BAZ1B: variants seen among roughly 807,000 people sequenced by gnomAD.
BAZ1B encodes bromodomain adjacent to zinc finger domain 1B, also known as tyrosine-protein kinase BAZ1B.
A neutral mutation model predicts 153.8 loss-of-function variants in BAZ1B; 22 were observed. That is an observed-to-expected ratio of 0.14 (90% confidence interval 0.10 to 0.20). The LOEUF is 0.20. Ranked by LOEUF, BAZ1B falls within the 10% of genes least tolerant of loss-of-function variation. The pLI is 1.00. For missense variants in BAZ1B, 1,325 were observed against 1,799.3 expected (o/e 0.74, Z 4.77); for synonymous variants, 676 against 633.4 (o/e 1.07, Z -1.01).
At chr7:73,521,482 G>A (rs1464641290) in intron 1 of BAZ1B, among the ~76,000 whole-genome samples, 3 of 152,200 alleles carry the variant, frequency 2.0e-5, no homozygotes, top group East Asian at 1.9e-4. Context: ...CCCTCCCCAC[G>A]CCTCCTCCTC....
At chr7:73,451,031 T>G (rs1788011249) in intron 13 of BAZ1B, 37 bp from the exon 14 acceptor site, 1 of 1,606,244 alleles carries the variant, frequency 6.2e-7, no homozygotes, top group Non-Finnish European at 8.5e-7. Context: ...ATTACTACAC[T>G]GACCAAAGAC....
In BAZ1B at chr7:73,477,973, G is replaced by A; in HGVS notation, c.1488C>T (p.Ser496=). ...KDREDKRSAL[S]CVISKTARLL... ...GACGAGCTGTTTTGGAGATAACACA[G>A]GACAGGGCGCTCCTCTTGTCCTCCC... Residue 496 remains serine (S), a synonymous_variant, in exon 7 of 20, where the codon TCC becomes TCT. Coordinates refer to ENST00000339594, the MANE Select transcript of BAZ1B (RefSeq NM_032408.4). This position sits in a 1 kb window ranked among gnomAD's most constrained non-coding sequence, Gnocchi z 5.6. 6.2e-7 allele frequency: 1 copy of A among 1,614,124 alleles called. No individual in the cohort carries two copies. Among genetic ancestry groups the A allele is most frequent in the Non-Finnish European group, 8.5e-7 (1 of 1,180,042 alleles).
intron 13 of BAZ1B, among the ~76,000 whole-genome samples, chr7:73,455,410 A>G (rs1788158935): frequency 1.3e-5 from 2 of 152,232 alleles, no homozygotes; most frequent in Admixed American, 6.5e-5. Flanking sequence ...CAGAAATCTA[A>G]TACGCAAAAC....
chr7:73,510,009 C>T (rs1363176910), intron 2 of BAZ1B, among the ~76,000 whole-genome samples: 4 of 151,570 alleles, frequency 2.6e-5, no homozygotes, highest in Admixed American at 2.6e-4. Context: ...CGCCTGTAGA[C>T]CCAGCTACTC....
At chr7:73,509,892 C>CAAGGCGGGA (rs1554578339) in intron 2 of BAZ1B, among the ~76,000 whole-genome samples, 1 of 151,376 alleles carries the variant, frequency 6.6e-6, no homozygotes, top group Admixed American at 6.6e-5. Flanking sequence ...TTTGGGAGGC[C>CAAGGCGGGA]GAAATGAGCA....
chr7:73,505,643 A>G (rs1229219607), intron 3 of BAZ1B, among the ~76,000 whole-genome samples: 1 of 150,996 alleles, frequency 6.6e-6, no homozygotes. Flanking sequence ...AAAAAAAAAA[A>G]CAGTTCAAGC....
chr7:73,480,115 G>A (rs566257805), intron 6 of BAZ1B, among the ~76,000 whole-genome samples: 6 of 149,286 alleles, frequency 4.0e-5, no homozygotes, highest in African/African-American at 1.5e-4. Context: ...CCGAGATCAC[G>A]CCACTGCACT....
intron 13 of BAZ1B, among the ~76,000 whole-genome samples, chr7:73,453,012 T>C (rs1470562059): frequency 6.6e-6 from 1 of 152,200 alleles, no homozygotes; most frequent in Admixed American, 6.5e-5. Context: ...TCAACCACTA[T>C]TACAAAAAGA....
chr7:73,519,264 T>A (rs1790934128), intron 1 of BAZ1B, among the ~76,000 whole-genome samples: 2 of 152,086 alleles, frequency 1.3e-5, no homozygotes, highest in East Asian at 3.8e-4. Flanking sequence ...AAATATCAAG[T>A]CCCATTAAAA....
At chr7:73,449,149 A>G (rs1787940684) in intron 15 of BAZ1B, among the ~76,000 whole-genome samples, 1 of 152,190 alleles carries the variant, frequency 6.6e-6, no homozygotes, top group Admixed American at 6.5e-5. Context: ...CCCAAGTTCT[A>G]CTCATGATAG....
At position 73,447,285 on chromosome 7, in the gene BAZ1B, A is replaced by C; in HGVS notation, c.3823T>G (p.Tyr1275Asp). The change falls in exon 16 of 20, where the codon TAT (tyrosine) becomes GAT (aspartate). Residue 1275 changes from tyrosine (Y) to aspartate (D), a missense_variant. Tyr to Asp is a radical substitution (Grantham distance 160). This residue lies in a region of BAZ1B where 271 missense variants were observed against 337.2 expected (regional missense o/e 0.80). Coordinates refer to ENST00000339594, the MANE Select transcript of BAZ1B (RefSeq NM_032408.4). ...EEEEEEEEED[Y>D]EVAGLRLRPR... ...TTACATCGCAAACCAGCCACCTCAT[A>C]ATCTTCTTCCTCCTCCTCCTCTTCT... 6.2e-7 allele frequency: 1 copy of C among 1,613,816 alleles called. No homozygotes were observed. The highest frequency in any genetic ancestry group is 1.1e-5 in the South Asian group (1 of 91,064).
In BAZ1B at chr7:73,505,997, C is replaced by T. The variant is rs566610770; in HGVS notation, c.369+2330G>A. Among the ~76,000 whole-genome samples, 9 of 152,312 alleles carry T rather than the reference C, an allele frequency of 5.9e-5. No homozygotes were observed. In the East Asian group the frequency reaches 1.3e-3, roughly 23 times the overall value. On this transcript the variant is annotated intron_variant, in intron 3 of 19. Coordinates refer to ENST00000339594, the MANE Select transcript of BAZ1B (RefSeq NM_032408.4). The stretch of plus-strand genomic sequence containing the variant: ...TCATTTAAATGTACAAGGCTACCTA[C>T]CACTTCAAGATTTCCGTGCAAATTC...
intron 1 of BAZ1B, among the ~76,000 whole-genome samples, chr7:73,515,531 CTTTTTTTTTTTTTT>C (rs869065388): frequency 2.7e-5 from 3 of 111,422 alleles, no homozygotes; most frequent in South Asian, 2.9e-4. Flanking sequence ...AGCCTTGTTC[CTTTTTTTTTTTTTT>C]TTTTTTTTTT....
At chr7:73,511,193 G>A (rs948054366) in intron 1 of BAZ1B, among the ~76,000 whole-genome samples, 32 of 152,082 alleles carry the variant, frequency 2.1e-4, no homozygotes, top group Non-Finnish European at 2.2e-4. Context: ...GCGTGAACCC[G>A]GGAGGCGGAG....
At chr7:73,442,856 T>C in intron 17 of BAZ1B, 28 bp from the exon 18 acceptor site, 1 of 1,552,508 alleles carries the variant, frequency 6.4e-7, no homozygotes, top group African/African-American at 1.4e-5. Flanking sequence ...ACAATGTTAT[T>C]ACAGATTCAA....
intron 7 of BAZ1B, among the ~76,000 whole-genome samples, chr7:73,472,826 G>A (rs1434732974): frequency 1.3e-5 from 2 of 151,118 alleles, no homozygotes; most frequent in East Asian, 2.0e-4. Context: ...GTGTGATCTC[G>A]GCTCTCTGCA....
intron 11 of BAZ1B, chr7:73,463,997 C>T (rs1439040903): frequency 7.8e-6 from 4 of 516,032 alleles, no homozygotes; most frequent in South Asian, 8.4e-5. Flanking sequence ...TGAGCCACCG[C>T]GGCCGGCCCT....
intron 4 of BAZ1B, among the ~76,000 whole-genome samples, chr7:73,497,721 T>C (rs890227717): frequency 2.0e-5 from 3 of 151,810 alleles, no homozygotes; most frequent in Non-Finnish European, 4.4e-5. Flanking sequence ...AAAGAAAAAT[T>C]CCATTCATAT....
At chr7:73,455,701 T>C (rs1041106762) in intron 13 of BAZ1B, among the ~76,000 whole-genome samples, 12 of 152,140 alleles carry the variant, frequency 7.9e-5, no homozygotes, top group Non-Finnish European at 1.5e-4. Flanking sequence ...GAGGATTGCC[T>C]GAGCCCAGGA....
Sources: allele counts gnomAD v4.1 joint callset (sites outside exome capture counted in the v4.1 genomes callset), GRCh38; gene constraint gnomAD v4.1.1; regional missense constraint gnomAD v4.1.1; non-coding constraint Gnocchi (gnomAD v3.1); transcripts MANE v1.5; gene names NCBI Gene and HGNC (gene_info 2026-07-23, HGNC 2026-07-21).